Variants in NRXN1 observed in about 807,000 individuals in gnomAD.
NRXN1 encodes the protein neurexin 1.
NRXN1 carries 39 observed loss-of-function variants against 150.9 expected under a neutral mutation model. The ratio of observed to expected loss-of-function variants is 0.26; its 90% CI spans 0.20 to 0.34. NRXN1 has a LOEUF of 0.34. NRXN1 is among the 10% of genes least tolerant of loss of function. The pLI, the probability that NRXN1 is intolerant of heterozygous loss-of-function variation, is 1.00. For missense variants in NRXN1, 1,815 were observed against 1,949.9 expected (o/e 0.93, Z 1.30); for synonymous variants, 924 against 757.0 (o/e 1.22, Z -3.62).
chr2:50,136,422 T>C (rs757072860), intron 18 of NRXN1, among the ~76,000 whole-genome samples: 2 of 152,326 alleles, frequency 1.3e-5, no homozygotes, highest in Non-Finnish European at 2.9e-5. Flanking sequence ...AGAAAGAACA[T>C]GATAGGTTCC....
At chr2:50,373,929 C>T (rs2080292752) in intron 17 of NRXN1, among the ~76,000 whole-genome samples, 1 of 151,894 alleles carries the variant, frequency 6.6e-6, no homozygotes, top group African/African-American at 2.4e-5. Context: ...GGAAAAGCTC[C>T]AGATTTGCTT....
At chr2:50,947,911 C>T (rs1442677859) in intron 2 of NRXN1, among the ~76,000 whole-genome samples, 3 of 151,916 alleles carry the variant, frequency 2.0e-5, no homozygotes, top group Non-Finnish European at 4.4e-5. Flanking sequence ...ACATAAGCCA[C>T]AAAATATTGG....
chr2:50,707,815 T>A (rs1470526936), intron 5 of NRXN1, among the ~76,000 whole-genome samples: 1 of 152,156 alleles, frequency 6.6e-6, no homozygotes, highest in Non-Finnish European at 1.5e-5. Context: ...AGATAAAATA[T>A]CCCATCATTT....
intron 15 of NRXN1, among the ~76,000 whole-genome samples, chr2:50,490,050 CTCTG>C (rs1219858352): frequency 6.6e-6 from 1 of 152,228 alleles, no homozygotes; most frequent in African/African-American, 2.4e-5. Context: ...AGTTTCACAT[CTCTG>C]TCTGTCTTTC....
intron 17 of NRXN1, among the ~76,000 whole-genome samples, chr2:50,352,715 C>T (rs1012054037): frequency 6.7e-6 from 1 of 148,198 alleles, no homozygotes; most frequent in Non-Finnish European, 1.5e-5. Flanking sequence ...TATTGCAGGT[C>T]CCTAAGAGTA....
At chr2:50,452,659 A>G (rs2087084840) in intron 17 of NRXN1, among the ~76,000 whole-genome samples, 1 of 152,246 alleles carries the variant, frequency 6.6e-6, no homozygotes, top group African/African-American at 2.4e-5. Context: ...GAATATACAA[A>G]CATGGGGAAT....
chr2:50,698,978 C>A (rs1041787976), intron 5 of NRXN1, among the ~76,000 whole-genome samples: 1 of 152,092 alleles, frequency 6.6e-6, no homozygotes, highest in Admixed American at 6.5e-5. Context: ...CATTAAGAAC[C>A]TATACTACCA....
At position 50,083,504 on chromosome 2, in the gene NRXN1, T is replaced by C. The variant is rs755331717; in HGVS notation, c.3718+7819A>G. 3.9e-5 allele frequency among the ~76,000 whole-genome samples: 6 copies of C among 152,290 alleles called. No homozygotes were observed. The East Asian group carries it at 1.2e-3, about 29-fold the overall frequency. On this transcript the variant is annotated intron_variant, in intron 19 of 22. Coordinates refer to ENST00000401669, the MANE Select transcript of NRXN1 (RefSeq NM_001330078.2). ...CGGACCCTAGCGCTGAGTGTTATAG[T>C]TCTTAAAGGCAGTGTGGACCCAAAG... is the stretch of plus-strand genomic sequence containing the variant.
chr2:50,680,275 CTG>C (rs1296532489), intron 5 of NRXN1, among the ~76,000 whole-genome samples: 1 of 152,084 alleles, frequency 6.6e-6, no homozygotes, highest in Middle Eastern at 3.4e-3. Flanking sequence ...AAAAATAACA[CTG>C]TTTCTTCTGA....
chr2:50,516,968 T>C (rs1418643016), intron 12 of NRXN1, among the ~76,000 whole-genome samples: 3 of 152,204 alleles, frequency 2.0e-5, no homozygotes, highest in Non-Finnish European at 4.4e-5. Flanking sequence ...AGAAATTAAA[T>C]AGTCATGTGC....
intron 21 of NRXN1, among the ~76,000 whole-genome samples, chr2:49,965,410 G>A (rs1280786788): frequency 6.6e-6 from 1 of 151,866 alleles, no homozygotes; most frequent in Non-Finnish European, 1.5e-5. Context: ...GGGTTTACAG[G>A]TGCCCACCAC....
At chr2:50,400,856 C>T (rs2082346830) in intron 17 of NRXN1, among the ~76,000 whole-genome samples, 1 of 152,076 alleles carries the variant, frequency 6.6e-6, no homozygotes, top group African/African-American at 2.4e-5. Context: ...AAGAAATATA[C>T]AGTTGATTAT....
chr2:50,878,788 A>G (rs953897595), intron 5 of NRXN1, among the ~76,000 whole-genome samples: 2 of 151,980 alleles, frequency 1.3e-5, no homozygotes, highest in African/African-American at 4.8e-5. Context: ...AACTCTTCAG[A>G]ATCACCTCTG....
intron 18 of NRXN1, among the ~76,000 whole-genome samples, chr2:50,103,861 T>C (rs1381227809): frequency 2.9e-5 from 2 of 69,008 alleles, no homozygotes; most frequent in South Asian, 5.3e-4. Context: ...TTAGCAGCCA[T>C]TGACCAAACA....
chr2:50,710,901 TG>T (rs1003241264), intron 5 of NRXN1, among the ~76,000 whole-genome samples: 3 of 152,208 alleles, frequency 2.0e-5, no homozygotes, highest in African/African-American at 7.2e-5. Flanking sequence ...CCTTTCTGTT[TG>T]CAACTGTATC....
chr2:50,494,977 G>C (rs2091477201), intron 15 of NRXN1, among the ~76,000 whole-genome samples: 1 of 150,690 alleles, frequency 6.6e-6, no homozygotes, highest in African/African-American at 2.5e-5. Flanking sequence ...ACTGAAGTGA[G>C]CCGAGATCGT....
chr2:50,129,088 C>T (rs987520243), intron 18 of NRXN1, among the ~76,000 whole-genome samples: 2 of 151,928 alleles, frequency 1.3e-5, no homozygotes, highest in Non-Finnish European at 2.9e-5. Context: ...CAAGAAAAAC[C>T]CTATGATTTT....
At chr2:50,627,544 C>T (rs1681372854) in intron 5 of NRXN1, among the ~76,000 whole-genome samples, 1 of 151,318 alleles carries the variant, frequency 6.6e-6, no homozygotes, top group African/African-American at 2.4e-5. Context: ...CCTTTTGTTT[C>T]CCAGAATCAA....
intron 18 of NRXN1, among the ~76,000 whole-genome samples, chr2:50,161,317 AC>A (rs778363438): frequency 3.3e-5 from 5 of 152,190 alleles, no homozygotes; most frequent in Non-Finnish European, 7.3e-5. Flanking sequence ...TAAGGTAACA[AC>A]CCATTCCTGG....
Sources: allele counts gnomAD v4.1 joint callset (sites outside exome capture counted in the v4.1 genomes callset), GRCh38; gene constraint gnomAD v4.1.1; transcripts MANE v1.5; gene names NCBI Gene and HGNC (gene_info 2026-07-23, HGNC 2026-07-21).